Variants in CSNK1G3 observed in about 807,000 individuals in gnomAD.
The protein encoded by CSNK1G3 is casein kinase 1 gamma 3.
A neutral mutation model predicts 64.3 loss-of-function variants in CSNK1G3; 23 were observed. The ratio of observed to expected loss-of-function variants is 0.36; its 90% confidence interval spans 0.26 to 0.51. CSNK1G3 has a LOEUF of 0.51. Among genes scored for constraint, CSNK1G3 ranks in the 20% least tolerant of loss-of-function variants. The pLI, the probability that CSNK1G3 is intolerant of heterozygous loss-of-function variation, is 0.96. For synonymous variants in CSNK1G3, 158 were observed against 162.2 expected (o/e 0.97, Z 0.20); for missense variants, 357 against 510.5 (o/e 0.70, Z 2.90).
intron 1 of CSNK1G3, among the ~76,000 whole-genome samples, chr5:123,528,765 A>G (rs1476896767): frequency 1.3e-5 from 2 of 152,188 alleles, no homozygotes; most frequent in African/African-American, 4.8e-5. Flanking sequence ...ACTTTTTAAG[A>G]GAAAATCCCC....
chr5:123,614,167 CAT>C (rs1445116406), intron 12 of CSNK1G3, among the ~76,000 whole-genome samples, 173 bp from the exon 14 acceptor site: 2 of 152,270 alleles, frequency 1.3e-5, no homozygotes, highest in East Asian at 1.9e-4. Flanking sequence ...GTGAATGAAA[CAT>C]AATAGTAATA....
At chr5:123,608,194 C>A (rs1795698958) in intron 12 of CSNK1G3, among the ~76,000 whole-genome samples, 1 of 152,124 alleles carries the variant, frequency 6.6e-6, no homozygotes, top group South Asian at 2.1e-4. Context: ...TCTTTTTCAT[C>A]TTTCTTCTTA....
chr5:123,596,354 A>C (rs1383573675), intron 10 of CSNK1G3, among the ~76,000 whole-genome samples: 1 of 152,128 alleles, frequency 6.6e-6, no homozygotes, highest in Non-Finnish European at 1.5e-5. Context: ...TAATTCAGCA[A>C]ATATATTCTA....
rs968351088 is a variant in CSNK1G3, at chr5:123,590,380, T to A, written c.845-33T>A. ...TATTACTGAGTATTAAAGAAAAGTA[T>A]AGTCCAAATAATTTTTATATTATTT... On this transcript the variant is annotated intron_variant, in intron 8 of 12. Coordinates refer to ENST00000345990, the Ensembl canonical transcript of CSNK1G3. 6 of 1,172,692 alleles carry A rather than the reference T, an allele frequency of 5.1e-6. No individual in the cohort carries two copies. In the African/African-American group the frequency reaches 9.8e-5, roughly 19 times the overall value. 72.6% of individuals were successfully genotyped at this position (1,172,692 alleles called of 1,614,324 possible).
intron 2 of CSNK1G3, among the ~76,000 whole-genome samples, chr5:123,549,282 G>C (rs1264222914): frequency 6.6e-6 from 1 of 152,130 alleles, no homozygotes; most frequent in Non-Finnish European, 1.5e-5. Context: ...ATATAGGGTT[G>C]TATTATATAT....
chr5:123,574,842 A>G (rs1788859200), intron 5 of CSNK1G3, among the ~76,000 whole-genome samples: 1 of 152,096 alleles, frequency 6.6e-6, no homozygotes, highest in Non-Finnish European at 1.5e-5. Context: ...CACACAAAAC[A>G]TCAAAAAACC....
intron 6 of CSNK1G3, among the ~76,000 whole-genome samples, chr5:123,581,429 G>A (rs1790259819): frequency 8.2e-6 from 1 of 121,738 alleles, no homozygotes; most frequent in Non-Finnish European, 1.6e-5. Flanking sequence ...GTGTAGTATA[G>A]CTACTGCTGG....
chr5:123,562,687 C>T (rs980458852), intron 4 of CSNK1G3, among the ~76,000 whole-genome samples: 3 of 151,512 alleles, frequency 2.0e-5, no homozygotes, highest in Non-Finnish European at 2.9e-5. Flanking sequence ...TTGTATTATC[C>T]TATGATTAGG....
At chr5:123,582,438 A>C (rs1790477655) in intron 6 of CSNK1G3, among the ~76,000 whole-genome samples, 1 of 152,140 alleles carries the variant, frequency 6.6e-6, no homozygotes, top group South Asian at 2.1e-4. Flanking sequence ...GTGTAGCTGT[A>C]ATTTTGAAAG....
In CSNK1G3 at chr5:123,545,845, A is replaced by C. The variant is rs1782435282; in HGVS notation, c.178+4A>C. Reference sequence around the variant, plus strand: ...AATTTTGGAGAATTACGATTAGGTAAGACTATTTTGTTTATTCCATTATGT... The same window carrying C: ...AATTTTGGAGAATTACGATTAGGTACGACTATTTTGTTTATTCCATTATGT... On this transcript the variant is annotated splice_donor_region_variant and intron_variant, in intron 2 of 12. Transcript: ENST00000345990. The C allele has an allele frequency of 6.2e-7, 1 of 1,609,852 alleles. No individual in the cohort carries two copies. The highest frequency in any genetic ancestry group is 8.5e-7 in the Non-Finnish European group (1 of 1,176,522).
At chr5:123,574,359 C>G (rs922029097) in intron 5 of CSNK1G3, among the ~76,000 whole-genome samples, 3 of 152,082 alleles carry the variant, frequency 2.0e-5, no homozygotes, top group Admixed American at 1.3e-4. Flanking sequence ...CTCATTAATT[C>G]TACAAATTTA....
rs912200935 is a variant in CSNK1G3 at position 123,602,253 on chromosome 5, G to C, written c.1087-2471G>C. Among the ~76,000 whole-genome samples, 7 of 152,118 alleles carry C rather than the reference G, an allele frequency of 4.6e-5. No individual in the cohort carries two copies. The South Asian group carries it at 1.5e-3, about 32-fold the overall frequency. ...ATTTCTAAGTACTTATTCCATATAG[G>C]ATATAGGAAACTGAATTTCTACAAT... On this transcript the variant is annotated intron_variant, in intron 10 of 12. Coordinates refer to ENST00000345990, the Ensembl canonical transcript of CSNK1G3.
At chr5:123,579,168 G>T (rs1421701597) in intron 6 of CSNK1G3, among the ~76,000 whole-genome samples, 9 of 151,644 alleles carry the variant, frequency 5.9e-5, no homozygotes, top group Admixed American at 5.9e-4. Context: ...GCATGTCCCT[G>T]CTCTGCCTCT....
At chr5:123,577,503 T>A (rs111419612) in intron 6 of CSNK1G3, among the ~76,000 whole-genome samples, 1 of 151,908 alleles carries the variant, frequency 6.6e-6, no homozygotes, top group Non-Finnish European at 1.5e-5. Flanking sequence ...TACAAAATAG[T>A]ATTTCCCTTT....
chr5:123,552,362 T>A lies in CSNK1G3; in HGVS notation c.179-745T>A, dbSNP rs564329781. Among the ~76,000 whole-genome samples, 9 of 152,296 alleles carry A rather than the reference T, an allele frequency of 5.9e-5. No homozygotes were observed. In the South Asian group the frequency reaches 1.9e-3, roughly 32 times the overall value. ...GATTTCACCATGCTGGTCAGTCTGGTCTTGAACTCCTGACTTCATGATCCA... is the reference window on the plus strand; with the variant it reads ...GATTTCACCATGCTGGTCAGTCTGGACTTGAACTCCTGACTTCATGATCCA... On this transcript the variant is annotated intron_variant, in intron 2 of 12. Transcript: ENST00000345990.
chr5:123,553,453 TAAC>T (rs1581089373), intron 3 of CSNK1G3, among the ~76,000 whole-genome samples: 2 of 152,342 alleles, frequency 1.3e-5, no homozygotes. Flanking sequence ...AGATAAAAAT[TAAC>T]AAGATTTTGC....
At chr5:123,518,087 C>A (rs940380876) in intron 1 of CSNK1G3, among the ~76,000 whole-genome samples, 12 of 152,122 alleles carry the variant, frequency 7.9e-5, no homozygotes, top group African/African-American at 2.9e-4. Context: ...CTTTTATGTA[C>A]TGTCAGGGTT....
At chr5:123,610,630 T>C (rs769037501) in intron 12 of CSNK1G3, among the ~76,000 whole-genome samples, 1 of 152,218 alleles carries the variant, frequency 6.6e-6, no homozygotes, top group Non-Finnish European at 1.5e-5. Context: ...GTTTGTTGCC[T>C]AATTGTATTT....
Position 123,584,572 on chromosome 5 carries a change from G to GT in CSNK1G3, c.674-3493dup, listed in dbSNP as rs1359642771. Among the ~76,000 whole-genome samples, 8 of 152,190 alleles carry GT rather than the reference G, an allele frequency of 5.3e-5. No homozygotes were observed. The East Asian group carries it at 1.5e-3, about 29-fold the overall frequency. The stretch of plus-strand genomic sequence containing the variant: ...GTGTTTATGAGGAATATTTCTTATA[G>GT]TTTCCTTTAATTGTAATGTCTTTAT... On this transcript the variant is annotated intron_variant, in intron 6 of 12. Coordinates refer to ENST00000345990, the Ensembl canonical transcript of CSNK1G3.
Sources: allele counts gnomAD v4.1 joint callset (sites outside exome capture counted in the v4.1 genomes callset), GRCh38; gene constraint gnomAD v4.1.1; transcripts MANE v1.5; gene names NCBI Gene and HGNC (gene_info 2026-07-23, HGNC 2026-07-21).